Variants in TNPO1 observed in about 807,000 individuals in gnomAD.
The protein encoded by TNPO1 is transportin 1, also known as transportin-1.
A neutral mutation model predicts 119.5 loss-of-function variants in TNPO1; 8 were observed. The ratio of observed to expected loss-of-function variants is 0.07; its 90% CI spans 0.04 to 0.12. TNPO1 has a LOEUF of 0.12. TNPO1 is among the 10% of genes least tolerant of loss of function. The pLI is 1.00. For missense variants in TNPO1, 576 were observed against 1,089.8 expected, an observed-to-expected ratio of 0.53 and a Z score of 6.64; for synonymous variants, 362 against 363.0, an observed-to-expected ratio of 1.00 and a Z score of 0.03.
chr5:72,827,088 C>T (rs900966345), intron 1 of TNPO1, among the ~76,000 whole-genome samples: 1 of 151,770 alleles, frequency 6.6e-6, no homozygotes, highest in Non-Finnish European at 1.5e-5. Context: ...GGCCAGCAGT[C>T]AATCTGAAAG....
rs112402681 is a variant in TNPO1, at chr5:72,842,761, A to G, written c.16-5624A>G. Among the ~76,000 whole-genome samples, 483 of 152,356 alleles carry G rather than the reference A, an allele frequency of 3.2e-3. 3 individuals are homozygous for G. Among genetic ancestry groups the G allele is most frequent in the African/African-American group, 0.011 (468 of 41,578 alleles). On this transcript the variant is annotated intron_variant, in intron 1 of 24. Transcript: ENST00000337273. ...TAATATTAAAGCTATAGAACAAAAG[A>G]TGAACCTCTCCTTCCCCATGTCTAG...
At chr5:72,880,991 A>G (rs907540122) in intron 9 of TNPO1, among the ~76,000 whole-genome samples, 2 of 151,522 alleles carry the variant, frequency 1.3e-5, no homozygotes, top group Admixed American at 6.6e-5. Flanking sequence ...TTCTGACCTC[A>G]TTTTTTCTTA....
chr5:72,877,837 C>T (rs1326273790), intron 9 of TNPO1, among the ~76,000 whole-genome samples: 5 of 152,038 alleles, frequency 3.3e-5, no homozygotes, highest in Non-Finnish European at 7.4e-5. Context: ...CCTGAGTAAT[C>T]ACTGGTAGTA....
chr5:72,882,354 C>T, intron 9 of TNPO1, 113 bp from the exon 10 acceptor site: 1 of 708,922 alleles, frequency 1.4e-6, no homozygotes, highest in Non-Finnish European at 2.3e-6. Flanking sequence ...AGTTCAAAGA[C>T]AATATTACCA....
chr5:72,875,656 GA>G lies in TNPO1; in HGVS notation c.725del (p.Asn242MetfsTer7). On this transcript the variant is annotated frameshift_variant, in exon 8 of 25. Coordinates refer to ENST00000337273, the MANE Select transcript of TNPO1 (RefSeq NM_002270.4). LOFTEE classifies it high-confidence loss of function. ...LAGDEEPEVR[K>X]NVCRALVMLL... ...CTGGTGATGAAGAACCAGAGGTACG[GA>G]AAAATGTGTGCCGAGCACTTGTGAT... is the stretch of plus-strand genomic sequence containing the variant. The G allele has an allele frequency of 1.2e-6, 2 of 1,613,458 alleles. No homozygotes were observed. The highest frequency in any genetic ancestry group is 1.7e-6 in the Non-Finnish European group (2 of 1,179,550).
intron 14 of TNPO1, among the ~76,000 whole-genome samples, chr5:72,891,077 A>AGGT (rs1749014440): frequency 6.6e-6 from 1 of 152,074 alleles, no homozygotes; most frequent in Non-Finnish European, 1.5e-5. Flanking sequence ...TCCTGGGTTC[A>AGGT]AGTGATCTGC....
chr5:72,873,450 A>C (rs929724247), intron 7 of TNPO1, among the ~76,000 whole-genome samples: 1 of 152,078 alleles, frequency 6.6e-6, no homozygotes, highest in Admixed American at 6.5e-5. Flanking sequence ...TTTTCTCGTC[A>C]CTTAAATTGA....
intron 1 of TNPO1, among the ~76,000 whole-genome samples, chr5:72,839,908 G>C (rs1744836198): frequency 6.6e-6 from 1 of 152,170 alleles, no homozygotes; most frequent in Non-Finnish European, 1.5e-5. Context: ...AGGAGTTGAT[G>C]TTTTGAGGGT....
At chr5:72,908,119 G>C (rs1750300914) in intron 24 of TNPO1, among the ~76,000 whole-genome samples, 1 of 152,042 alleles carries the variant, frequency 6.6e-6, no homozygotes, top group Admixed American at 6.5e-5. Flanking sequence ...GAATTTGTTT[G>C]TTGATACTTA....
At chr5:72,893,734 G>T (rs761636420) in intron 18 of TNPO1, 31 bp downstream of exon 18, 3 of 1,574,186 alleles carry the variant, frequency 1.9e-6, no homozygotes, top group Non-Finnish European at 2.6e-6. Flanking sequence ...TATGAATATG[G>T]TTTTTTAAAG....
intron 6 of TNPO1, among the ~76,000 whole-genome samples, chr5:72,868,444 A>AAAAAC (rs1747106731): frequency 6.8e-6 from 1 of 147,554 alleles, no homozygotes; most frequent in Non-Finnish European, 1.5e-5. Flanking sequence ...AAAAAAAAAA[A>AAAAAC]AAAAAAAAAA....
chr5:72,882,052 G>T (rs1397475417), intron 9 of TNPO1, among the ~76,000 whole-genome samples: 1 of 152,116 alleles, frequency 6.6e-6, no homozygotes, highest in Non-Finnish European at 1.5e-5. Context: ...TGTTGATAAA[G>T]ATCATCAGTG....
chr5:72,894,225 T>C (rs537873706), intron 18 of TNPO1, among the ~76,000 whole-genome samples: 1 of 152,174 alleles, frequency 6.6e-6, no homozygotes, highest in Non-Finnish European at 1.5e-5. Flanking sequence ...AGTGCGAGAT[T>C]CGAGACTAGC....
chr5:72,901,826 G>A (rs1026687782), intron 22 of TNPO1, among the ~76,000 whole-genome samples: 8 of 152,218 alleles, frequency 5.3e-5, no homozygotes, highest in Middle Eastern at 3.4e-3. Flanking sequence ...CAAATCAATT[G>A]AAAAACGTAG....
intron 20 of TNPO1, among the ~76,000 whole-genome samples, chr5:72,899,246 T>C (rs1749650873): frequency 6.6e-6 from 1 of 152,210 alleles, no homozygotes; most frequent in Admixed American, 6.5e-5. Flanking sequence ...ACTGTAAATT[T>C]CCTTTATTAG....
At chr5:72,849,471 C>G (rs1335785260) in intron 2 of TNPO1, among the ~76,000 whole-genome samples, 1 of 152,152 alleles carries the variant, frequency 6.6e-6, no homozygotes, top group Non-Finnish European at 1.5e-5. Context: ...AGCAAAATTA[C>G]TTAATATGGA....
rs921646335 is a variant in TNPO1 at position 72,862,644 on chromosome 5, T to G, written c.462+730T>G. On this transcript the variant is annotated intron_variant, in intron 5 of 24. Transcript: ENST00000337273. ...ACTTCACTAAACTTGTCTTCGTTTTTTTTGTTTGTTTGTTTGTTTCAAACA... is the reference window on the plus strand; with the variant it reads ...ACTTCACTAAACTTGTCTTCGTTTTGTTTGTTTGTTTGTTTGTTTCAAACA... 7.3e-5 allele frequency among the ~76,000 whole-genome samples: 11 copies of G among 151,660 alleles called. No homozygotes were observed. The East Asian group carries it at 1.6e-3, about 21-fold the overall frequency.
chr5:72,870,416 C>T (rs1747299584), intron 6 of TNPO1, among the ~76,000 whole-genome samples: 1 of 152,206 alleles, frequency 6.6e-6, no homozygotes, highest in Non-Finnish European at 1.5e-5. Context: ...CCCACCGTAG[C>T]CTCCCAGAGT....
At chr5:72,908,291 A>G (rs756362887) in intron 24 of TNPO1, among the ~76,000 whole-genome samples, 1 of 152,184 alleles carries the variant, frequency 6.6e-6, no homozygotes, top group Non-Finnish European at 1.5e-5. Flanking sequence ...TGGTGTTTTC[A>G]TTCTAAGGAT....
Sources: gnomAD v4.1 joint callset for allele counts (sites outside exome capture counted in the v4.1 genomes callset) on GRCh38, gnomAD v4.1.1 for gene constraint, MANE v1.5 for transcripts, NCBI Gene and HGNC (gene_info 2026-07-23, HGNC 2026-07-21) for gene names.